PRICKLE2: variants seen among roughly 807,000 people sequenced by gnomAD.
PRICKLE2 encodes prickle planar cell polarity protein 2.
A neutral mutation model predicts 81.4 loss-of-function variants in PRICKLE2; 21 were observed. That is an observed-to-expected ratio of 0.26 (90% CI 0.18 to 0.37). PRICKLE2 has a LOEUF of 0.37. Among genes scored for constraint, PRICKLE2 ranks in the 10% least tolerant of loss-of-function variants. The pLI is 1.00. For synonymous variants in PRICKLE2, 456 were observed against 421.5 expected, an observed-to-expected ratio of 1.08 and a Z score of -1.00; for missense variants, 940 against 1,109.0, an observed-to-expected ratio of 0.85 and a Z score of 2.16.
intron 1 of PRICKLE2, among the ~76,000 whole-genome samples, chr3:64,216,301 A>G (rs1220485541): frequency 6.6e-6 from 1 of 152,240 alleles, no homozygotes; most frequent in Non-Finnish European, 1.5e-5. Flanking sequence ...AAAAATGGAC[A>G]TATGCACATT....
At chr3:64,225,545 C>T, upstream of PRICKLE2, 1 of 640,888 alleles carries the variant, frequency 1.6e-6, no homozygotes, top group Non-Finnish European at 1.9e-6. Flanking sequence ...TCCTGCTGCC[C>T]AGTGCTGAGA....
Position 64,099,023 on chromosome 3 carries a change from C to T in PRICKLE2, c.*28G>A, listed in dbSNP as rs771124563. Reference sequence around the variant, plus strand: ...CTGACTTTACATTCTTAGCTCCCATCTTCTCCCATTCCCTGATCCCAATCA... The same window carrying T: ...CTGACTTTACATTCTTAGCTCCCATTTTCTCCCATTCCCTGATCCCAATCA... On this transcript the variant is annotated 3_prime_UTR_variant, in exon 8 of 8. Coordinates refer to ENST00000638394, the MANE Select transcript of PRICKLE2 (RefSeq NM_198859.4). The surrounding 1 kb of genome is among the most constrained non-coding windows in gnomAD (Gnocchi z 4.3). 1 of 1,613,718 alleles carries T rather than the reference C, an allele frequency of 6.2e-7. No homozygotes were observed. The highest frequency in any genetic ancestry group is 1.1e-5 in the South Asian group (1 of 91,044).
At chr3:64,266,759 C>G (rs1321130122) in intron 2 of PRICKLE2, among the ~76,000 whole-genome samples, 2 of 152,054 alleles carry the variant, frequency 1.3e-5, no homozygotes, top group Non-Finnish European at 2.9e-5. Flanking sequence ...GTACAGAAAG[C>G]AGGGAACTCA....
At chr3:64,258,444 G>A (rs1392723896) in intron 2 of PRICKLE2, among the ~76,000 whole-genome samples, 1 of 152,172 alleles carries the variant, frequency 6.6e-6, no homozygotes, top group African/African-American at 2.4e-5. Flanking sequence ...ACAGAATGTT[G>A]AGTGAAGGCA....
chr3:64,113,898 C>T (rs2076892194), intron 7 of PRICKLE2, among the ~76,000 whole-genome samples: 1 of 152,188 alleles, frequency 6.6e-6, no homozygotes, highest in African/African-American at 2.4e-5. Flanking sequence ...CAGGGGCCCC[C>T]CACTCCACCC....
rs1195316890 is a variant in PRICKLE2 at position 64,225,043 on chromosome 3, A to G, written c.-174T>C. On this transcript the variant is annotated 5_prime_UTR_variant, in exon 1 of 8. An upstream start codon of the reference 5' UTR is lost. Coordinates refer to ENST00000638394, the MANE Select transcript of PRICKLE2 (RefSeq NM_198859.4). ...AAGCAGGACCTCAGGCAGCCAAAGC[A>G]TCTTCTCCTCAAACCCCCTTTTCAG... The G allele has an allele frequency of 8.1e-6, 8 of 985,468 alleles. No individual in the cohort carries two copies. The highest frequency in any genetic ancestry group is 4.7e-5 in the South Asian group (1 of 21,262). The allele number at this position is 985,468 out of a possible 1,614,324, so 61.0% of individuals were successfully genotyped here.
At chr3:64,129,594 G>C (rs1206200353) in intron 7 of PRICKLE2, among the ~76,000 whole-genome samples, 1 of 152,120 alleles carries the variant, frequency 6.6e-6, no homozygotes, top group Non-Finnish European at 1.5e-5. Context: ...CATGGCTGTT[G>C]AAAGCAGAAT....
chr3:64,118,637 A>C (rs2076977529), intron 7 of PRICKLE2, among the ~76,000 whole-genome samples: 1 of 152,220 alleles, frequency 6.6e-6, no homozygotes, highest in East Asian at 1.9e-4. Context: ...ACTCAAAACC[A>C]TGATGAGATA....
At chr3:64,103,079 CT>C (rs906815385) in intron 7 of PRICKLE2, 4 of 152,212 alleles carry the variant, frequency 2.6e-5, no homozygotes, top group South Asian at 2.1e-4. Flanking sequence ...ATTTTTATAA[CT>C]TTTTTTAAGT....
At chr3:64,219,813 T>G (rs2078924186) in intron 1 of PRICKLE2, among the ~76,000 whole-genome samples, 1 of 152,218 alleles carries the variant, frequency 6.6e-6, no homozygotes, top group Non-Finnish European at 1.5e-5. Flanking sequence ...CTAATTATCC[T>G]GGGTTCGAAT....
chr3:64,100,498 G>C (rs1458019699), intron 7 of PRICKLE2: 4 of 157,070 alleles, frequency 2.5e-5, no homozygotes, highest in African/African-American at 9.6e-5. Context: ...TGGACACTAA[G>C]TGACTCCCTA....
intron 7 of PRICKLE2, among the ~76,000 whole-genome samples, chr3:64,125,526 A>G (rs892572647): frequency 1.3e-5 from 2 of 152,226 alleles, no homozygotes; most frequent in African/African-American, 4.8e-5. Flanking sequence ...GCCAACCTTC[A>G]GCAACCACTA....
At chr3:64,108,029 A>G (rs1473794993) in intron 7 of PRICKLE2, among the ~76,000 whole-genome samples, 1 of 152,220 alleles carries the variant, frequency 6.6e-6, no homozygotes, top group African/African-American at 2.4e-5. Flanking sequence ...TACAGTGGCA[A>G]TGGGCCAAAT....
At chr3:64,203,298 C>T (rs2078622760) in intron 1 of PRICKLE2, among the ~76,000 whole-genome samples, 1 of 152,160 alleles carries the variant, frequency 6.6e-6, no homozygotes, top group South Asian at 2.1e-4. Context: ...AATTAATCAG[C>T]TACTGCACAA....
At chr3:64,163,452 A>G in intron 2 of PRICKLE2, 1 of 393,062 alleles carries the variant, frequency 2.5e-6, no homozygotes, top group Non-Finnish European at 4.8e-6. Flanking sequence ...GACTCCCCTG[A>G]GAGCTGGCTT....
At chr3:64,212,387 TC>T (rs1488175266) in intron 1 of PRICKLE2, among the ~76,000 whole-genome samples, 1 of 152,162 alleles carries the variant, frequency 6.6e-6, no homozygotes, top group Non-Finnish European at 1.5e-5. Context: ...TCCAGATAAA[TC>T]CTTTGGGGGA....
Position 64,153,228 on chromosome 3 carries a change from G to C in PRICKLE2, c.741C>G (p.Phe247Leu), listed in dbSNP as rs763876127. The change falls in exon 6 of 8, where the codon TTC (phenylalanine) becomes TTG (leucine). Residue 247 changes from phenylalanine (F) to leucine (L), a missense_variant. This residue lies in a region of PRICKLE2 where 270 missense variants were observed against 391.8 expected (regional missense o/e 0.69). Transcript: ENST00000638394. ...KEGRPYCCHC[F>L]ESLYAEYCDT... ...CACAATATTCTGCATACAAGGACTCGAAGCAGTGGCAACAGTAGGGTCTTC... is the reference window on the plus strand; with the variant it reads ...CACAATATTCTGCATACAAGGACTCCAAGCAGTGGCAACAGTAGGGTCTTC... 2 of 1,614,196 alleles carry C rather than the reference G, an allele frequency of 1.2e-6. No individual in the cohort carries two copies. The highest frequency in any genetic ancestry group is 1.7e-6 in the Non-Finnish European group (2 of 1,180,042).
intron 2 of PRICKLE2, chr3:64,163,930 G>T (rs1361838023): frequency 1.2e-4 from 4 of 32,960 alleles, no homozygotes; most frequent in Non-Finnish European, 1.7e-4. Context: ...TATAGGAGAG[G>T]CAAAAAAAAA....
At chr3:64,178,597 C>A (rs2078064187) in intron 2 of PRICKLE2, among the ~76,000 whole-genome samples, 1 of 152,208 alleles carries the variant, frequency 6.6e-6, no homozygotes, top group Non-Finnish European at 1.5e-5. Flanking sequence ...GCCATAATCC[C>A]TGCCACAGCA....
Sources: gnomAD v4.1 joint callset for allele counts (sites outside exome capture counted in the v4.1 genomes callset) on GRCh38, gnomAD v4.1.1 for gene constraint, gnomAD v4.1.1 regional missense constraint, Gnocchi (gnomAD v3.1) non-coding constraint, MANE v1.5 for transcripts, NCBI Gene and HGNC (gene_info 2026-07-23, HGNC 2026-07-21) for gene names.